ELAPOR2: variants seen among roughly 807,000 people sequenced by gnomAD.
ELAPOR2 encodes the protein endosome-lysosome associated apoptosis and autophagy regulator family member 2.
In ELAPOR2, 89 loss-of-function variants were observed where a neutral mutation model predicts 120.7. The observed-to-expected ratio is 0.74, with a 90% confidence interval of 0.62 to 0.88. ELAPOR2 has a LOEUF of 0.88. Among genes scored for constraint, ELAPOR2 ranks in the 40% least tolerant of loss-of-function variants. The pLI, the probability that ELAPOR2 is intolerant of heterozygous loss-of-function variation, is 0.00. For missense variants in ELAPOR2, 1,134 were observed against 1,251.6 expected, an observed-to-expected ratio of 0.91 and a Z score of 1.42; for synonymous variants, 444 against 444.9, an observed-to-expected ratio of 1.00 and a Z score of 0.03.
chr7:86,906,541 CACT>C (rs1789024568), intron 18 of ELAPOR2, among the ~76,000 whole-genome samples: 1 of 152,068 alleles, frequency 6.6e-6, no homozygotes. Flanking sequence ...ATGCTTACAC[CACT>C]GATTTCCAAT....
intron 1 of ELAPOR2, among the ~76,000 whole-genome samples, chr7:87,054,123 C>T (rs1397311337): frequency 6.6e-6 from 1 of 152,016 alleles, no homozygotes; most frequent in African/African-American, 2.4e-5. Flanking sequence ...CTACATAGAA[C>T]ACACATGATG....
intron 8 of ELAPOR2, among the ~76,000 whole-genome samples, chr7:86,929,050 A>C (rs1790205489): frequency 6.6e-6 from 1 of 151,948 alleles, no homozygotes. Context: ...GTCTTATAAA[A>C]CCAAAACCCT....
intron 1 of ELAPOR2, among the ~76,000 whole-genome samples, chr7:86,976,059 T>C (rs1327132246): frequency 6.6e-6 from 1 of 152,068 alleles, no homozygotes; most frequent in African/African-American, 2.4e-5. Context: ...TTTTCTTCTT[T>C]TTCTCTTCCA....
In ELAPOR2 at chr7:86,955,951, C is replaced by CA. The variant is rs1375523452; in HGVS notation, c.311-8030dup. Among the ~76,000 whole-genome samples the CA allele has an allele frequency of 3.0e-3, 296 of 97,050 alleles. 2 individuals are homozygous for CA. Among genetic ancestry groups the CA allele is most frequent in the African/African-American group, 0.011 (279 of 24,808 alleles). The allele number at this position is 97,050 out of a possible 152,430, so 63.7% of individuals were successfully genotyped here. On this transcript the variant is annotated intron_variant, in intron 2 of 21. Coordinates refer to ENST00000450689, the MANE Select transcript of ELAPOR2 (RefSeq NM_001142749.3). ...ATAATAGCATTAGAAAAGAACTCTG[C>CA]AAAAAACAAAAAAAAAAGGAAAAGA... is the stretch of plus-strand genomic sequence containing the variant.
intron 3 of ELAPOR2, among the ~76,000 whole-genome samples, chr7:86,945,458 A>G (rs1323202133): frequency 6.6e-6 from 1 of 152,160 alleles, no homozygotes; most frequent in Non-Finnish European, 1.5e-5. Flanking sequence ...ATAAAGCTAT[A>G]TTTTTTCACC....
intron 19 of ELAPOR2, among the ~76,000 whole-genome samples, chr7:86,896,814 T>C (rs1382005399): frequency 6.6e-6 from 1 of 152,194 alleles, no homozygotes; most frequent in African/African-American, 2.4e-5. Flanking sequence ...TTTGGTAATA[T>C]GTATCAAGCC....
intron 1 of ELAPOR2, among the ~76,000 whole-genome samples, chr7:87,047,570 A>G (rs1794990589): frequency 1.3e-5 from 2 of 152,256 alleles, no homozygotes; most frequent in African/African-American, 2.4e-5. Context: ...AAACAGGCAT[A>G]TGAAAAGGTG....
intron 4 of ELAPOR2, among the ~76,000 whole-genome samples, chr7:86,943,939 A>G (rs1030460397): frequency 1.3e-5 from 2 of 152,086 alleles, no homozygotes; most frequent in Admixed American, 6.5e-5. Flanking sequence ...TTGCTCAATA[A>G]CAGTGTTAAC....
At chr7:86,927,758 G>A (rs1457406898) in intron 8 of ELAPOR2, among the ~76,000 whole-genome samples, 1 of 151,984 alleles carries the variant, frequency 6.6e-6, no homozygotes, top group Admixed American at 6.6e-5. Flanking sequence ...GAGGAAAACA[G>A]AAAAGGAATT....
intron 1 of ELAPOR2, among the ~76,000 whole-genome samples, chr7:87,022,256 T>A (rs903953705): frequency 2.7e-5 from 3 of 112,992 alleles, no homozygotes; most frequent in Admixed American, 1.3e-4. Context: ...CAGGCCCCAG[T>A]GTGTGATGTT....
At chr7:86,998,862 T>TC (rs1554403104) in intron 1 of ELAPOR2, among the ~76,000 whole-genome samples, 1 of 151,890 alleles carries the variant, frequency 6.6e-6, no homozygotes, top group Admixed American at 6.6e-5. Flanking sequence ...TTTTTTTTTT[T>TC]CAAAGAACCT....
intron 21 of ELAPOR2, among the ~76,000 whole-genome samples, chr7:86,881,578 G>T (rs1007825163): frequency 6.6e-6 from 1 of 151,794 alleles, no homozygotes; most frequent in African/African-American, 2.4e-5. Context: ...GGCTGGTCTC[G>T]AACTCCTGTC....
chr7:86,939,817 G>A (rs780855565), intron 6 of ELAPOR2, among the ~76,000 whole-genome samples, 193 bp downstream of exon 6: 9 of 151,994 alleles, frequency 5.9e-5, no homozygotes, highest in Non-Finnish European at 1.0e-4. Context: ...TTTAGTTCAA[G>A]GGTACAAGAA....
At chr7:86,987,286 G>T (rs1466875677) in intron 1 of ELAPOR2, among the ~76,000 whole-genome samples, 1 of 152,106 alleles carries the variant, frequency 6.6e-6, no homozygotes, top group Non-Finnish European at 1.5e-5. Context: ...ATAGGCATGG[G>T]AAAGGACTTC....
intron 1 of ELAPOR2, among the ~76,000 whole-genome samples, chr7:87,034,710 G>A (rs1794527845): frequency 6.6e-6 from 1 of 152,066 alleles, no homozygotes; most frequent in Non-Finnish European, 1.5e-5. Context: ...TTAACGTTAG[G>A]AGGTAGGGTT....
intron 21 of ELAPOR2, among the ~76,000 whole-genome samples, chr7:86,882,929 C>T (rs535207904): frequency 3.7e-4 from 57 of 152,230 alleles, no homozygotes; most frequent in Non-Finnish European, 7.9e-4. Context: ...GTTTTCCTCA[C>T]CTTGTCACTA....
At chr7:86,892,253 T>C (rs1298816540) in intron 20 of ELAPOR2, among the ~76,000 whole-genome samples, 1 of 152,066 alleles carries the variant, frequency 6.6e-6, no homozygotes, top group Non-Finnish European at 1.5e-5. Context: ...TTCGTAAAGA[T>C]GAGAATATCA....
intron 1 of ELAPOR2, among the ~76,000 whole-genome samples, chr7:87,051,628 G>A (rs1476013856): frequency 1.3e-5 from 2 of 152,156 alleles, no homozygotes; most frequent in African/African-American, 4.8e-5. Flanking sequence ...ATTTGTTGAA[G>A]GTCACATAAA....
chr7:86,986,423 C>T lies in ELAPOR2; in HGVS notation c.190-21399G>A, dbSNP rs1353710487. Among the ~76,000 whole-genome samples the T allele has an allele frequency of 2.0e-4, 17 of 84,932 alleles. 4 individuals are homozygous for T. The highest frequency in any genetic ancestry group is 3.7e-4 in the Non-Finnish European group (16 of 43,254). 55.7% of individuals were successfully genotyped at this position (84,932 alleles called of 152,430 possible). A position where few individuals can be genotyped will look rare whatever the true frequency, so the allele number is the denominator to read the frequency against. ...CAGCCTGGGCGACAGAGCGAGACTC[C>T]GTCTCAAAAAAAAAAAAAAAGAAAA... On this transcript the variant is annotated intron_variant, in intron 1 of 21. Coordinates refer to ENST00000450689, the MANE Select transcript of ELAPOR2 (RefSeq NM_001142749.3).
Sources: gnomAD v4.1 joint callset for allele counts (sites outside exome capture counted in the v4.1 genomes callset) on GRCh38, gnomAD v4.1.1 for gene constraint, MANE v1.5 for transcripts, NCBI Gene and HGNC (gene_info 2026-07-23, HGNC 2026-07-21) for gene names.